NAA15: variants seen among roughly 807,000 people sequenced by gnomAD.
The protein encoded by NAA15 is N-alpha-acetyltransferase 15, NatA auxiliary subunit, also known as N-terminal acetyltransferase.
Under a neutral mutation model 114.0 loss-of-function variants are expected in NAA15, and 34 were observed. The observed-to-expected ratio is 0.30, with a 90% CI of 0.23 to 0.40. The LOEUF (loss-of-function observed/expected upper bound fraction) is 0.40, where lower values mean the gene tolerates loss of function less well. Among genes scored for constraint, NAA15 ranks in the 10% least tolerant of loss-of-function variants. NAA15 has a pLI of 1.00. For synonymous variants in NAA15, 340 were observed against 338.0 expected, an observed-to-expected ratio of 1.01 and a Z score of -0.06; for missense variants, 658 against 1,004.5, an observed-to-expected ratio of 0.66 and a Z score of 4.66.
intron 2 of NAA15, among the ~76,000 whole-genome samples, chr4:139,335,175 T>TA (rs1747155291): frequency 2.6e-5 from 4 of 152,120 alleles, no homozygotes; most frequent in South Asian, 4.2e-4. Context: ...AACATATATT[T>TA]AAAAAAACAA....
intron 1 of NAA15, among the ~76,000 whole-genome samples, chr4:139,304,207 C>T (rs983511790): frequency 3.9e-5 from 6 of 152,224 alleles, no homozygotes; most frequent in African/African-American, 7.2e-5. Context: ...CGTCAGCCAC[C>T]GCACCCGGCC....
At chr4:139,370,124 G>A (rs1748394216) in intron 14 of NAA15, 87 bp from the exon 15 acceptor site, 2 of 1,119,316 alleles carry the variant, frequency 1.8e-6, no homozygotes, top group South Asian at 4.2e-5. Flanking sequence ...ATTTTTTAAT[G>A]GAAGTTTGGT....
chr4:139,357,468 A>G lies in NAA15; in HGVS notation c.1170A>G (p.Pro390=). 4.3e-6 allele frequency: 7 copies of G among 1,613,792 alleles called. No individual in the cohort carries two copies. The highest frequency in any genetic ancestry group is 5.9e-6 in the Non-Finnish European group (7 of 1,179,754). Residue 390 remains proline (P), a synonymous_variant, in exon 11 of 20, where the codon CCA becomes CCG. Coordinates refer to ENST00000296543, the MANE Select transcript of NAA15 (RefSeq NM_057175.5). ...LAQHYDKIGQ[P]SIALEYINTA... ...AACATTATGACAAAATTGGTCAGCC[A>G]TCTATTGCTTTGGAGTACATAAATA... is the stretch of plus-strand genomic sequence containing the variant.
chr4:139,374,877 C>CT (rs779778990), intron 15 of NAA15, among the ~76,000 whole-genome samples: 54 of 152,348 alleles, frequency 3.5e-4, no homozygotes, highest in Admixed American at 1.4e-3. Context: ...ATTAATTTCT[C>CT]TGTTTCCTCT....
intron 1 of NAA15, among the ~76,000 whole-genome samples, chr4:139,333,433 C>CT (rs1178363216): frequency 4.5e-4 from 67 of 148,300 alleles, no homozygotes; most frequent in African/African-American, 6.2e-4. Flanking sequence ...TTTTAAGGAC[C>CT]TTTTTTTTTT....
rs1407325609 is a variant in NAA15 at position 139,369,763 on chromosome 4, A to ACATAC, written c.1754-447_1754-443dup. Reference sequence around the variant, plus strand: ...AAAAAAAAAAAAAAAAAAAAAGGCTACATACATATGGGGACATTTACATCC... The same window carrying ACATAC: ...AAAAAAAAAAAAAAAAAAAAAGGCTACATACCATACATATGGGGACATTTACATCC... On this transcript the variant is annotated intron_variant, in intron 14 of 19. Transcript: ENST00000296543. Among the ~76,000 whole-genome samples the ACATAC allele has an allele frequency of 5.3e-5, 8 of 150,416 alleles. No homozygotes were observed. In the East Asian group the frequency reaches 1.4e-3, roughly 26 times the overall value.
At chr4:139,373,958 G>A (rs1748513657) in intron 15 of NAA15, among the ~76,000 whole-genome samples, 1 of 152,060 alleles carries the variant, frequency 6.6e-6, no homozygotes, top group Non-Finnish European at 1.5e-5. Context: ...GCCCACCTTA[G>A]CCTCCCAAAG....
intron 1 of NAA15, among the ~76,000 whole-genome samples, chr4:139,317,686 T>G (rs1044553741): frequency 6.6e-6 from 1 of 152,190 alleles, no homozygotes; most frequent in African/African-American, 2.4e-5. Flanking sequence ...TTAATCTGTG[T>G]TTTTTATGTG....
chr4:139,349,086 G>T (rs1372064122), intron 6 of NAA15, among the ~76,000 whole-genome samples: 1 of 152,218 alleles, frequency 6.6e-6, no homozygotes, highest in African/African-American at 2.4e-5. Flanking sequence ...GGATCATAAG[G>T]TTAGGATATT....
At chr4:139,386,027 C>T in intron 18 of NAA15, 106 bp from the exon 19 acceptor site, 1 of 566,200 alleles carries the variant, frequency 1.8e-6, no homozygotes, top group Non-Finnish European at 3.2e-6. Context: ...TAATAAAGTG[C>T]CACACCCTCT....
chr4:139,385,289 T>TAC, intron 18 of NAA15, among the ~76,000 whole-genome samples: 1 of 100,220 alleles, frequency 1.0e-5, no homozygotes, highest in South Asian at 3.0e-4. Flanking sequence ...ATATAATATA[T>TAC]ATATATATAT....
At chr4:139,360,813 C>G (rs1270763694) in intron 13 of NAA15, among the ~76,000 whole-genome samples, 185 bp downstream of exon 13, 1 of 151,972 alleles carries the variant, frequency 6.6e-6, no homozygotes, top group Non-Finnish European at 1.5e-5. Flanking sequence ...TCTCTATTGT[C>G]TTGTGGTAAG....
intron 1 of NAA15, among the ~76,000 whole-genome samples, chr4:139,306,274 C>T (rs1056177818): frequency 6.6e-6 from 1 of 152,174 alleles, no homozygotes; most frequent in African/African-American, 2.4e-5. Context: ...CAGTTTTGCT[C>T]TGTCACCCAG....
chr4:139,347,214 C>T (rs1366581408), intron 6 of NAA15, among the ~76,000 whole-genome samples: 5 of 152,090 alleles, frequency 3.3e-5, no homozygotes, highest in Non-Finnish European at 7.4e-5. Flanking sequence ...TGTTTAGTAG[C>T]GCTCCTAGCT....
At chr4:139,321,971 C>T (rs970694884) in intron 1 of NAA15, among the ~76,000 whole-genome samples, 1 of 152,064 alleles carries the variant, frequency 6.6e-6, no homozygotes. Context: ...TAATTTTCCT[C>T]CCATAATTTT....
At chr4:139,387,768 T>C (rs1748947779) in intron 19 of NAA15, 116 bp from the exon 20 acceptor site, 1 of 791,126 alleles carries the variant, frequency 1.3e-6, no homozygotes, top group Admixed American at 2.5e-5. Context: ...AGTAAATAGC[T>C]AAATATGTGT....
intron 1 of NAA15, among the ~76,000 whole-genome samples, chr4:139,304,062 T>G (rs1439192941): frequency 2.6e-5 from 4 of 152,094 alleles, no homozygotes; most frequent in Non-Finnish European, 4.4e-5. Context: ...GGACTACAGG[T>G]GCCCGCCACC....
Position 139,357,696 on chromosome 4 carries a change from T to G in NAA15, c.1257+141T>G, listed in dbSNP as rs1461913411. 71 of 616,352 alleles carry G rather than the reference T, an allele frequency of 1.2e-4. No individual in the cohort carries two copies. The Admixed American group carries it at 2.2e-3, about 19-fold the overall frequency. The allele number at this position is 616,352 out of a possible 1,614,324, so 38.2% of individuals were successfully genotyped here. On this transcript the variant is annotated intron_variant, in intron 11 of 19. Coordinates refer to ENST00000296543, the MANE Select transcript of NAA15 (RefSeq NM_057175.5). Reference sequence around the variant, plus strand: ...TGAAGTAACAAGTATAGTACATTTCTCAGTCCAATTACTTTGAGACTTGTG... The same window carrying G: ...TGAAGTAACAAGTATAGTACATTTCGCAGTCCAATTACTTTGAGACTTGTG...
chr4:139,349,267 A>T (rs1046199909), intron 6 of NAA15, among the ~76,000 whole-genome samples, 195 bp from the exon 7 acceptor site: 4 of 152,170 alleles, frequency 2.6e-5, no homozygotes, highest in Non-Finnish European at 4.4e-5. Flanking sequence ...ATTTCTAAAT[A>T]ATGTGAACTT....
Sources: allele counts gnomAD v4.1 joint callset (sites outside exome capture counted in the v4.1 genomes callset), GRCh38; gene constraint gnomAD v4.1.1; transcripts MANE v1.5; gene names NCBI Gene and HGNC (gene_info 2026-07-23, HGNC 2026-07-21).